The following SUSD6 variants were observed in gnomAD, a reference collection of about 807,000 sequenced individuals.
The protein encoded by SUSD6 is sushi domain containing 6.
Under a neutral mutation model 28.4 loss-of-function variants are expected in SUSD6, and 16 were observed. That is an observed-to-expected ratio of 0.56 (90% CI 0.38 to 0.86). The LOEUF is 0.86. Among genes scored for constraint, SUSD6 ranks in the 40% least tolerant of loss-of-function variants. The pLI is 0.00. For synonymous variants in SUSD6, 147 were observed against 159.6 expected, an observed-to-expected ratio of 0.92 and a Z score of 0.59; for missense variants, 341 against 384.2, an observed-to-expected ratio of 0.89 and a Z score of 0.94.
In SUSD6 at chr14:69,703,620, C is replaced by G. The variant is rs372880360; in HGVS notation, c.319+28C>G. On this transcript the variant is annotated intron_variant, in intron 3 of 5. Coordinates refer to ENST00000342745, the MANE Select transcript of SUSD6 (RefSeq NM_014734.4). Reference sequence around the variant, plus strand: ...CAGTCTGGCAGATGAAAAAGGGATGCTGCTGGGGTTCTGCTTTCTGTTAAC... The same window carrying G: ...CAGTCTGGCAGATGAAAAAGGGATGGTGCTGGGGTTCTGCTTTCTGTTAAC... 2.4e-5 allele frequency: 38 copies of G among 1,600,314 alleles called. No homozygotes were observed. The African/African-American group carries it at 4.1e-4, about 17-fold the overall frequency.
chr14:69,619,518 T>C (rs889415462), intron 1 of SUSD6, among the ~76,000 whole-genome samples: 9 of 151,678 alleles, frequency 5.9e-5, no homozygotes, highest in African/African-American at 2.2e-4. Context: ...CCCAGCACTT[T>C]GGGAGGCTGA....
intron 2 of SUSD6, among the ~76,000 whole-genome samples, chr14:69,702,257 G>A (rs543943474): frequency 6.6e-6 from 1 of 152,260 alleles, no homozygotes; most frequent in Admixed American, 6.5e-5. Flanking sequence ...TGCATTCATG[G>A]TTGCCTGGCC....
At chr14:69,647,354 T>A (rs920984286) in intron 1 of SUSD6, among the ~76,000 whole-genome samples, 1 of 152,178 alleles carries the variant, frequency 6.6e-6, no homozygotes, top group Non-Finnish European at 1.5e-5. Context: ...CTGAGAAGTT[T>A]GTTTATACAG....
chr14:69,619,473 C>A (rs538964500), intron 1 of SUSD6, among the ~76,000 whole-genome samples: 1 of 151,992 alleles, frequency 6.6e-6, no homozygotes, highest in East Asian at 1.9e-4. Context: ...TTCAAAAATG[C>A]CACCTGGCCT....
At chr14:69,637,574 T>G (rs1204719159) in intron 1 of SUSD6, among the ~76,000 whole-genome samples, 1 of 152,180 alleles carries the variant, frequency 6.6e-6, no homozygotes, top group Non-Finnish European at 1.5e-5. Flanking sequence ...GAGCCTTGGA[T>G]AATGCTGAGT....
At chr14:69,631,631 A>G (rs2139597376) in intron 1 of SUSD6, among the ~76,000 whole-genome samples, 2 of 152,286 alleles carry the variant, frequency 1.3e-5, no homozygotes, top group South Asian at 4.1e-4. Context: ...GCCAGTTAAT[A>G]ATAATAATTC....
chr14:69,647,938 T>C (rs1007917514), intron 1 of SUSD6, among the ~76,000 whole-genome samples: 3 of 151,964 alleles, frequency 2.0e-5, no homozygotes, highest in African/African-American at 7.3e-5. Flanking sequence ...TGAGCCGAGA[T>C]TGCGCCACTG....
At chr14:69,628,371 C>G (rs958870662) in intron 1 of SUSD6, among the ~76,000 whole-genome samples, 1 of 152,214 alleles carries the variant, frequency 6.6e-6, no homozygotes, top group African/African-American at 2.4e-5. Flanking sequence ...GGCTATGTTA[C>G]TAATGGGGCT....
chr14:69,630,505 C>T (rs531529391), intron 1 of SUSD6, among the ~76,000 whole-genome samples: 61 of 152,214 alleles, frequency 4.0e-4, no homozygotes, highest in African/African-American at 1.4e-3. Flanking sequence ...ATAATTTAAG[C>T]CAAGGAGGAA....
chr14:69,686,070 G>A (rs1886068604), intron 2 of SUSD6, among the ~76,000 whole-genome samples: 1 of 152,162 alleles, frequency 6.6e-6, no homozygotes, highest in African/African-American at 2.4e-5. Context: ...AATGACTAAT[G>A]GTAGTTGTAA....
In SUSD6 at chr14:69,711,188, A is replaced by G; in HGVS notation, c.*209A>G. Reference sequence around the variant, plus strand: ...CATCTGCCTGTTGGACAGCTGGAGGAGCTGGCTCTTTGCCTGGCCCCGCCT... The same window carrying G: ...CATCTGCCTGTTGGACAGCTGGAGGGGCTGGCTCTTTGCCTGGCCCCGCCT... On this transcript the variant is annotated 3_prime_UTR_variant, in exon 6 of 6. Coordinates refer to ENST00000342745, the MANE Select transcript of SUSD6 (RefSeq NM_014734.4). 1 of 583,380 alleles carries G rather than the reference A, an allele frequency of 1.7e-6. No individual in the cohort carries two copies. Among genetic ancestry groups the G allele is most frequent in the Non-Finnish European group, 3.1e-6 (1 of 326,848 alleles). The allele number at this position is 583,380 out of a possible 1,614,324, so 36.1% of individuals were successfully genotyped here.
chr14:69,651,097 G>A (rs1238153454), intron 1 of SUSD6, among the ~76,000 whole-genome samples: 1 of 152,162 alleles, frequency 6.6e-6, no homozygotes, highest in Admixed American at 6.5e-5. Flanking sequence ...GTCCTTTGGG[G>A]ATCATCCAGG....
intron 1 of SUSD6, among the ~76,000 whole-genome samples, chr14:69,633,232 C>T (rs1885219847): frequency 6.6e-6 from 1 of 152,216 alleles, no homozygotes; most frequent in Non-Finnish European, 1.5e-5. Flanking sequence ...TTTTTCATGG[C>T]TGTGCAAACT....
chr14:69,663,970 G>A (rs1378343556), intron 2 of SUSD6, among the ~76,000 whole-genome samples: 1 of 150,612 alleles, frequency 6.6e-6, no homozygotes, highest in Non-Finnish European at 1.5e-5. Context: ...TCCCACTATG[G>A]TTGTTTCTTT....
chr14:69,612,005 G>A (rs894360606), intron 1 of SUSD6, among the ~76,000 whole-genome samples, 177 bp downstream of exon 1: 2 of 148,896 alleles, frequency 1.3e-5, no homozygotes, highest in African/African-American at 4.9e-5. Context: ...TCACCCGGCC[G>A]CGAGCCGCGC....
intron 1 of SUSD6, among the ~76,000 whole-genome samples, chr14:69,613,933 A>C (rs532045139): frequency 6.6e-6 from 1 of 152,294 alleles, no homozygotes; most frequent in East Asian, 1.9e-4. Context: ...GAAAGCCCAG[A>C]ATTTGGTGAG....
chr14:69,649,876 A>G (rs1885478711), intron 1 of SUSD6, among the ~76,000 whole-genome samples: 2 of 152,198 alleles, frequency 1.3e-5, no homozygotes, highest in African/African-American at 4.8e-5. Context: ...CTATTAGGGA[A>G]GCAGGAGGAG....
At chr14:69,658,105 TTC>T (rs1885611545) in intron 1 of SUSD6, among the ~76,000 whole-genome samples, 1 of 152,210 alleles carries the variant, frequency 6.6e-6, no homozygotes, top group African/African-American at 2.4e-5. Context: ...ACGACACGTG[TTC>T]TCTCTCTTTT....
intron 2 of SUSD6, among the ~76,000 whole-genome samples, chr14:69,676,129 G>A (rs1291818342): frequency 2.6e-5 from 4 of 152,162 alleles, no homozygotes; most frequent in South Asian, 2.1e-4. Flanking sequence ...GGTACTGAAT[G>A]CTATTAGAAA....
Sources: allele counts gnomAD v4.1 joint callset (sites outside exome capture counted in the v4.1 genomes callset), GRCh38; gene constraint gnomAD v4.1.1; transcripts MANE v1.5; gene names NCBI Gene and HGNC (gene_info 2026-07-23, HGNC 2026-07-21).